The following ANAPC1 variants were observed in gnomAD, a reference collection of about 807,000 sequenced individuals.
ANAPC1 encodes anaphase promoting complex subunit 1.
A neutral mutation model predicts 208.0 loss-of-function variants in ANAPC1; 36 were observed. That is an observed-to-expected ratio of 0.17 (90% CI 0.13 to 0.23). The LOEUF (loss-of-function observed/expected upper bound fraction) is 0.23, where lower values mean the gene tolerates loss of function less well. ANAPC1 is among the 10% of genes least tolerant of loss of function. ANAPC1 has a pLI of 1.00. For missense variants in ANAPC1, 942 were observed against 2,011.6 expected (o/e 0.47, Z 10.17); for synonymous variants, 378 against 695.2 (o/e 0.54, Z 7.18).
At chr2:111,873,458 G>A (rs34457112) in intron 4 of ANAPC1, 50 bp from the exon 5 acceptor site, 1 of 1,584,908 alleles carries the variant, frequency 6.3e-7, no homozygotes, top group Non-Finnish European at 8.6e-7. Context: ...CCTCAAAGGA[G>A]TTCAATCCTA....
intron 17 of ANAPC1, among the ~76,000 whole-genome samples, chr2:111,838,761 T>C (rs1422991957): frequency 6.6e-6 from 1 of 152,256 alleles, no homozygotes; most frequent in African/African-American, 2.4e-5. Flanking sequence ...CTGATTTTAA[T>C]GGTAGTTTCC....
intron 3 of ANAPC1, 103 bp from the exon 4 acceptor site, chr2:111,873,767 T>C (rs1682884623): frequency 1.5e-6 from 2 of 1,304,438 alleles, no homozygotes; most frequent in South Asian, 3.3e-5. Context: ...GTAATAACTT[T>C]GCCTCCTCAG....
intron 2 of ANAPC1, among the ~76,000 whole-genome samples, chr2:111,879,876 A>T (rs947812038): frequency 2.7e-5 from 4 of 147,226 alleles, no homozygotes; most frequent in Non-Finnish European, 6.0e-5. Flanking sequence ...CCGTCTCAGG[A>T]AAAAAAAAAA....
At chr2:111,858,002 A>T (rs1681830735) in intron 11 of ANAPC1, among the ~76,000 whole-genome samples, 1 of 152,138 alleles carries the variant, frequency 6.6e-6, no homozygotes, top group Non-Finnish European at 1.5e-5. Context: ...AAATTAATCT[A>T]TAAAGGCAGA....
At chr2:111,787,491 C>T (rs1677625213) in intron 39 of ANAPC1, among the ~76,000 whole-genome samples, 1 of 151,712 alleles carries the variant, frequency 6.6e-6, no homozygotes, top group African/African-American at 2.4e-5. Context: ...TGCTCCTGAC[C>T]CTTCTCCCAT....
chr2:111,777,405 G>A (rs1677049909), intron 45 of ANAPC1, among the ~76,000 whole-genome samples: 1 of 151,952 alleles, frequency 6.6e-6, no homozygotes, highest in Non-Finnish European at 1.5e-5. Flanking sequence ...AGAGATCCCA[G>A]GGGGTAGAGG....
intron 46 of ANAPC1, 27 bp from the exon 47 acceptor site, chr2:111,772,502 C>A: frequency 9.3e-7 from 1 of 1,075,232 alleles, no homozygotes; most frequent in Middle Eastern, 2.4e-4. Context: ...TGGAACGGAA[C>A]CAACTGATGA....
intron 16 of ANAPC1, among the ~76,000 whole-genome samples, chr2:111,846,526 T>C (rs995447704): frequency 1.7e-5 from 2 of 114,706 alleles, no homozygotes; most frequent in South Asian, 2.7e-4. Flanking sequence ...TCCATATATA[T>C]ACATATACAT....
At chr2:111,772,194 C>G (rs1558654058) in intron 47 of ANAPC1, 147 bp downstream of exon 47, 8 of 547,078 alleles carry the variant, frequency 1.5e-5, no homozygotes, top group Middle Eastern at 5.2e-4. Context: ...ATAATTTTTT[C>G]TTTTTTGCTC....
chr2:111,824,529 A>G lies in ANAPC1; in HGVS notation c.2812+437T>C, dbSNP rs551005710. Among the ~76,000 whole-genome samples the G allele has an allele frequency of 5.2e-3, 790 of 152,184 alleles. 4 individuals carry two copies. The highest frequency in any genetic ancestry group is 0.018 in the African/African-American group (763 of 41,540). On this transcript the variant is annotated intron_variant, in intron 24 of 47. Transcript: ENST00000341068. ...TCTTCCTCTTCCCAGTTCAATGTTCATCTTGGTGCCTGAAATCCCTTCAAA... is the reference window on the plus strand; with the variant it reads ...TCTTCCTCTTCCCAGTTCAATGTTCGTCTTGGTGCCTGAAATCCCTTCAAA...
chr2:111,854,595 A>G (rs1218330544), intron 13 of ANAPC1, among the ~76,000 whole-genome samples: 1 of 152,168 alleles, frequency 6.6e-6, no homozygotes, highest in Non-Finnish European at 1.5e-5. Flanking sequence ...ACCTGCATCA[A>G]TTATCTTAGC....
intron 45 of ANAPC1, among the ~76,000 whole-genome samples, chr2:111,778,116 G>C (rs970921246): frequency 5.3e-5 from 8 of 152,126 alleles, no homozygotes; most frequent in Non-Finnish European, 1.2e-4. Flanking sequence ...TGCCTAAAGT[G>C]AATAAATTGG....
At chr2:111,770,567 T>A in intron 47 of ANAPC1, among the ~76,000 whole-genome samples, 1 of 150,778 alleles carries the variant, frequency 6.6e-6, no homozygotes, top group Non-Finnish European at 1.5e-5. Flanking sequence ...CCATGCATGT[T>A]TATTTTTTTT....
At chr2:111,862,822 C>T (rs932849837) in intron 9 of ANAPC1, among the ~76,000 whole-genome samples, 1 of 152,022 alleles carries the variant, frequency 6.6e-6, no homozygotes, top group African/African-American at 2.4e-5. Flanking sequence ...AAGAACTCAT[C>T]TTTTACAACT....
chr2:111,850,464 T>C (rs1222682718), intron 14 of ANAPC1, among the ~76,000 whole-genome samples: 1 of 152,088 alleles, frequency 6.6e-6, no homozygotes, highest in East Asian at 1.9e-4. Flanking sequence ...ACGATGGTAC[T>C]CTCTTTTCCA....
At chr2:111,848,448 A>G (rs1467012087) in intron 14 of ANAPC1, among the ~76,000 whole-genome samples, 1 of 151,720 alleles carries the variant, frequency 6.6e-6, no homozygotes, top group Non-Finnish European at 1.5e-5. Context: ...GAGAGAAGCC[A>G]GCAGCACTGT....
At chr2:111,789,746 G>T (rs1677772780) in intron 38 of ANAPC1, among the ~76,000 whole-genome samples, 1 of 152,260 alleles carries the variant, frequency 6.6e-6, no homozygotes, top group Middle Eastern at 3.4e-3. Context: ...GAGTATATAT[G>T]ACCATTTAAA....
chr2:111,862,841 G>GATC (rs1398174383), intron 9 of ANAPC1, among the ~76,000 whole-genome samples: 5 of 151,936 alleles, frequency 3.3e-5, no homozygotes, highest in Non-Finnish European at 7.4e-5. Context: ...CTAAAACTTA[G>GATC]ATCATCTTCT....
chr2:111,792,454 G>T lies in ANAPC1; in HGVS notation c.4620C>A (p.Arg1540=), dbSNP rs1230395074. Residue 1540 remains arginine, a synonymous_variant, in exon 38 of 48, where the codon CGC becomes CGA. Coordinates refer to ENST00000341068, the MANE Select transcript of ANAPC1 (RefSeq NM_022662.4). The part of the protein sequence containing the change: ...SGNLKVLQLC[R]FLHMKTGGEM... ...CACCACCCGTTTTCATGTGTAAGAAGCGACAAAGCTGCAAAACCTTTAGGT... is the reference window on the plus strand; with the variant it reads ...CACCACCCGTTTTCATGTGTAAGAATCGACAAAGCTGCAAAACCTTTAGGT... The T allele has an allele frequency of 1.2e-6, 2 of 1,613,312 alleles. No homozygotes were observed. Among genetic ancestry groups the T allele is most frequent in the Non-Finnish European group, 1.7e-6 (2 of 1,179,770 alleles).
Sources: gnomAD v4.1 joint callset for allele counts (sites outside exome capture counted in the v4.1 genomes callset) on GRCh38, gnomAD v4.1.1 for gene constraint, MANE v1.5 for transcripts, NCBI Gene and HGNC (gene_info 2026-07-23, HGNC 2026-07-21) for gene names.